The following UBASH3A variants were observed in gnomAD, a reference collection of about 807,000 sequenced individuals.
The protein encoded by UBASH3A is ubiquitin associated and SH3 domain containing A.
UBASH3A carries 63 observed loss-of-function variants against 73.5 expected under a neutral mutation model. That is an observed-to-expected ratio of 0.86 (90% CI 0.70 to 1.06). The LOEUF is 1.06. UBASH3A is among the 50% of genes least tolerant of loss of function. UBASH3A has a pLI of 0.00. For synonymous variants in UBASH3A, 363 were observed against 351.1 expected (o/e 1.03, Z -0.38); for missense variants, 860 against 859.0 (o/e 1.00, Z -0.02).
intron 11 of UBASH3A, among the ~76,000 whole-genome samples, chr21:42,439,354 A>G (rs1029725310): frequency 2.6e-5 from 4 of 151,900 alleles, no homozygotes; most frequent in Admixed American, 1.3e-4. Flanking sequence ...GTGGCACAGG[A>G]CCCCACCCCT....
chr21:42,418,558 C>A lies in UBASH3A; in HGVS notation c.995C>A (p.Pro332Gln). ...CGGACGGGCTGCCGGGGCTTCCTGC[C>A]GGAAAACTACACGGATCGAGCCAGT... is the stretch of plus-strand genomic sequence containing the variant. ...SQRTGCRGFLPENYTDRASES... is the reference protein window; with the variant it reads ...SQRTGCRGFLQENYTDRASES... The change falls in exon 7 of 15, where the codon CCG (proline) becomes CAG (glutamine). Residue 332 changes from proline to glutamine, a missense_variant. Pro to Gln is a moderately conservative substitution (Grantham distance 76, BLOSUM62 -1). Transcript: ENST00000319294. The A allele has an allele frequency of 6.2e-7, 1 of 1,614,152 alleles. No individual in the cohort carries two copies. Among genetic ancestry groups the A allele is most frequent in the Non-Finnish European group, 8.5e-7 (1 of 1,180,028 alleles).
At chr21:42,422,363 C>T (rs542632686) in intron 7 of UBASH3A, among the ~76,000 whole-genome samples, 8 of 152,322 alleles carry the variant, frequency 5.3e-5, no homozygotes, top group African/African-American at 1.9e-4. Context: ...TAACATCACC[C>T]CCTGTGCCTG....
intron 14 of UBASH3A, among the ~76,000 whole-genome samples, chr21:42,446,090 C>T (rs2053839734): frequency 6.6e-6 from 1 of 152,228 alleles, no homozygotes. Context: ...GCACTGCACA[C>T]ACCAGCTGCT....
intron 7 of UBASH3A, among the ~76,000 whole-genome samples, chr21:42,421,248 A>G (rs900099077): frequency 1.2e-4 from 18 of 152,188 alleles, no homozygotes. Context: ...GCAGGTGTCA[A>G]GACTGATGGT....
chr21:42,436,842 C>T lies in UBASH3A; in HGVS notation c.1394-646C>T, dbSNP rs766883595. On this transcript the variant is annotated intron_variant, in intron 10 of 14. Transcript: ENST00000319294. ...TCAGTGGGTCTTGAGTTTTCTCAAACGACCACAAATGTGAAGCCCCGCCCA... is the reference window on the plus strand; with the variant it reads ...TCAGTGGGTCTTGAGTTTTCTCAAATGACCACAAATGTGAAGCCCCGCCCA... Among the ~76,000 whole-genome samples, 3 of 152,346 alleles carry T rather than the reference C, an allele frequency of 2.0e-5. 1 individual carries two copies. The East Asian group carries it at 5.8e-4, about 29-fold the overall frequency.
chr21:42,416,570 G>T lies in UBASH3A; in HGVS notation c.796G>T (p.Ala266Ser). The T allele has an allele frequency of 3.7e-6, 6 of 1,607,482 alleles. No individual in the cohort carries two copies. Among genetic ancestry groups the T allele is most frequent in the Non-Finnish European group, 5.1e-6 (6 of 1,177,264 alleles). The change falls in exon 6 of 15, where the codon GCA (alanine) becomes TCA (serine). Residue 266 changes from alanine to serine, a missense_variant. By Grantham distance (99) the Ala-to-Ser change is moderately conservative. Coordinates refer to ENST00000319294, the MANE Select transcript of UBASH3A (RefSeq NM_018961.4). Reference sequence around the variant, plus strand: ...CCTGGGCCACAGCTGCCAGTGGACCGCAGCACTCTACTCCCGAGACATGCG... The same window carrying T: ...CCTGGGCCACAGCTGCCAGTGGACCTCAGCACTCTACTCCCGAGACATGCG... Reference protein sequence around the residue: ...IPLGHSCQWTAALYSRDMRFV... With the variant: ...IPLGHSCQWTSALYSRDMRFV...
chr21:42,429,639 A>G (rs942218037), intron 8 of UBASH3A, among the ~76,000 whole-genome samples: 1 of 152,088 alleles, frequency 6.6e-6, no homozygotes, highest in Non-Finnish European at 1.5e-5. Context: ...TTTAATATTC[A>G]TTCTGGGATA....
chr21:42,444,459 A>G, intron 13 of UBASH3A, 75 bp from the exon 14 acceptor site: 1 of 1,135,036 alleles, frequency 8.8e-7, no homozygotes. Flanking sequence ...GCCCCCCACC[A>G]CTTTGGGGAC....
At chr21:42,437,109 A>C (rs940643666) in intron 10 of UBASH3A, among the ~76,000 whole-genome samples, 1 of 152,216 alleles carries the variant, frequency 6.6e-6, no homozygotes, top group Admixed American at 6.5e-5. Flanking sequence ...GGCTGCCCAC[A>C]TTCCTTGCCA....
intron 2 of UBASH3A, among the ~76,000 whole-genome samples, chr21:42,407,489 C>T (rs1411718645): frequency 6.6e-6 from 1 of 152,232 alleles, no homozygotes; most frequent in African/African-American, 2.4e-5. Flanking sequence ...CCCACTGCAA[C>T]CCAGTCAATA....
intron 2 of UBASH3A, among the ~76,000 whole-genome samples, chr21:42,407,951 C>T (rs2053011999): frequency 1.3e-5 from 2 of 152,204 alleles, no homozygotes; most frequent in African/African-American, 4.8e-5. Flanking sequence ...TCACTAGACA[C>T]GTGTGTATCA....
intron 3 of UBASH3A, chr21:42,410,239 G>A: frequency 1.4e-6 from 1 of 693,278 alleles, no homozygotes; most frequent in South Asian, 1.5e-5. Flanking sequence ...AGCTGCTCAG[G>A]AGAAAAGAAG....
At chr21:42,416,015 C>T (rs1218282799) in intron 5 of UBASH3A, among the ~76,000 whole-genome samples, 1 of 152,172 alleles carries the variant, frequency 6.6e-6, no homozygotes, top group African/African-American at 2.4e-5. Context: ...CAAGGTGAAC[C>T]TTAAAGACAC....
intron 3 of UBASH3A, chr21:42,410,283 C>T (rs1327451122): frequency 1.6e-6 from 1 of 644,804 alleles, no homozygotes; most frequent in Non-Finnish European, 2.8e-6. Flanking sequence ...CTGCTCTACT[C>T]AGCTCCGCCA....
chr21:42,446,535 C>T (rs1434311266), intron 14 of UBASH3A, among the ~76,000 whole-genome samples: 3 of 152,062 alleles, frequency 2.0e-5, no homozygotes, highest in Non-Finnish European at 4.4e-5. Context: ...AAAGAAAAGA[C>T]AAAAACAAAA....
intron 7 of UBASH3A, among the ~76,000 whole-genome samples, chr21:42,424,198 A>G (rs1236741939): frequency 6.6e-6 from 1 of 152,022 alleles, no homozygotes; most frequent in Non-Finnish European, 1.5e-5. Flanking sequence ...TCCAAGCAGC[A>G]GAACCACTGG....
intron 7 of UBASH3A, among the ~76,000 whole-genome samples, chr21:42,420,784 C>T (rs887305113): frequency 6.6e-6 from 1 of 152,178 alleles, no homozygotes; most frequent in African/African-American, 2.4e-5. Flanking sequence ...AAAAAAAATG[C>T]CTTCCAACTG....
At chr21:42,428,830 C>T (rs527682320) in intron 8 of UBASH3A, among the ~76,000 whole-genome samples, 26 of 152,174 alleles carry the variant, frequency 1.7e-4, no homozygotes, top group African/African-American at 6.0e-4. Flanking sequence ...CTCACACGGT[C>T]TTCTCTATAG....
chr21:42,442,150 G>T (rs2053757118), intron 11 of UBASH3A, among the ~76,000 whole-genome samples: 1 of 152,152 alleles, frequency 6.6e-6, no homozygotes, highest in Admixed American at 6.5e-5. Context: ...GGGTGATCAG[G>T]TGAGCCCCAG....
Sources: gnomAD v4.1 joint callset for allele counts (sites outside exome capture counted in the v4.1 genomes callset) on GRCh38, gnomAD v4.1.1 for gene constraint, MANE v1.5 for transcripts, NCBI Gene and HGNC (gene_info 2026-07-23, HGNC 2026-07-21) for gene names.